KCNIP4: variants seen among roughly 807,000 people sequenced by gnomAD.
KCNIP4 encodes potassium voltage-gated channel interacting protein 4.
Under a neutral mutation model 34.0 loss-of-function variants are expected in KCNIP4, and 12 were observed. The observed-to-expected ratio is 0.35, with a 90% confidence interval of 0.23 to 0.57. KCNIP4 has a LOEUF of 0.57. Ranked by LOEUF, KCNIP4 falls within the 20% of genes least tolerant of loss-of-function variation. The pLI, the probability that KCNIP4 is intolerant of heterozygous loss-of-function variation, is 0.83. For missense variants in KCNIP4, 238 were observed against 311.7 expected, an observed-to-expected ratio of 0.76 and a Z score of 1.78; for synonymous variants, 124 against 102.2, an observed-to-expected ratio of 1.21 and a Z score of -1.29.
At chr4:20,988,000 C>CAAAAAAAAAAAAA (rs36044149) in intron 1 of KCNIP4, among the ~76,000 whole-genome samples, 555 of 46,258 alleles carry the variant, frequency 0.012, 67 homozygotes, top group African/African-American at 0.018. Flanking sequence ...GATTCCATCT[C>CAAAAAAAAAAAAA]AAAAAAAAAA....
intron 1 of KCNIP4, among the ~76,000 whole-genome samples, chr4:21,835,291 G>A (rs909482356): frequency 6.6e-6 from 1 of 151,962 alleles, no homozygotes; most frequent in Non-Finnish European, 1.5e-5. Flanking sequence ...ATGACTATTT[G>A]CAAACTCCCA....
intron 3 of KCNIP4, among the ~76,000 whole-genome samples, chr4:20,768,148 G>T (rs1173338755): frequency 2.0e-5 from 3 of 152,142 alleles, no homozygotes; most frequent in Non-Finnish European, 2.9e-5. Context: ...TAAATACAAG[G>T]CAGGGACTAA....
Position 21,940,213 on chromosome 4 carries a change from T to C in KCNIP4, c.61+8358A>G, listed in dbSNP as rs545152766. ...CTGAAAGATAAACCCATATTACAAT[T>C]AGAAAAATTGGTAGAGGGTAGGAAG... On this transcript the variant is annotated intron_variant, in intron 1 of 8. Coordinates refer to ENST00000382152, the MANE Select transcript of KCNIP4 (RefSeq NM_025221.6). Among the ~76,000 whole-genome samples the C allele has an allele frequency of 2.0e-5, 3 of 152,224 alleles. No homozygotes were observed. The South Asian group carries it at 6.2e-4, about 32-fold the overall frequency.
chr4:20,888,215 C>T (rs181250548), intron 1 of KCNIP4, among the ~76,000 whole-genome samples: 169 of 152,092 alleles, frequency 1.1e-3, no homozygotes, highest in Admixed American at 3.4e-3. Context: ...GTAGAAAATA[C>T]ATAAGATAGT....
intron 1 of KCNIP4, among the ~76,000 whole-genome samples, chr4:21,926,631 A>T (rs1020518733): frequency 3.3e-5 from 5 of 152,144 alleles, no homozygotes; most frequent in African/African-American, 1.2e-4. Flanking sequence ...GGAAGAACAA[A>T]TCAAGCAATC....
intron 1 of KCNIP4, among the ~76,000 whole-genome samples, chr4:21,528,435 G>A (rs111690138): frequency 4.6e-5 from 7 of 151,886 alleles, no homozygotes; most frequent in African/African-American, 9.7e-5. Context: ...TTGGGAGGCC[G>A]ATGCGGGTGT....
intron 1 of KCNIP4, among the ~76,000 whole-genome samples, chr4:21,749,854 AC>A (rs1330108489): frequency 1.3e-5 from 2 of 152,042 alleles, no homozygotes; most frequent in African/African-American, 2.4e-5. Flanking sequence ...GCTTCTTTTT[AC>A]TATGTCTCAT....
chr4:21,166,038 G>A (rs1753604245), intron 1 of KCNIP4, among the ~76,000 whole-genome samples: 1 of 152,136 alleles, frequency 6.6e-6, no homozygotes, highest in Admixed American at 6.5e-5. Context: ...ACCAGACACT[G>A]AACCTGCAGA....
At chr4:21,733,162 T>G (rs1488779216) in intron 1 of KCNIP4, among the ~76,000 whole-genome samples, 1 of 152,176 alleles carries the variant, frequency 6.6e-6, no homozygotes, top group African/African-American at 2.4e-5. Context: ...CTTCATTTTT[T>G]ATGCGCCAAT....
chr4:20,816,771 G>A (rs1173286647), intron 3 of KCNIP4, among the ~76,000 whole-genome samples: 2 of 152,152 alleles, frequency 1.3e-5, no homozygotes, highest in Non-Finnish European at 2.9e-5. Flanking sequence ...TAAACCATTT[G>A]AATTTTTCCG....
intron 1 of KCNIP4, among the ~76,000 whole-genome samples, chr4:21,261,403 A>G (rs567877749): frequency 6.6e-6 from 1 of 152,268 alleles, no homozygotes; most frequent in South Asian, 2.1e-4. Flanking sequence ...CATTACTACA[A>G]GTTAAGAGTC....
At chr4:20,951,208 A>C (rs1225271696) in intron 1 of KCNIP4, among the ~76,000 whole-genome samples, 1 of 152,142 alleles carries the variant, frequency 6.6e-6, no homozygotes, top group African/African-American at 2.4e-5. Context: ...TCAGCCATCC[A>C]GGAAGAGAGC....
chr4:21,444,827 A>C (rs980934522), intron 1 of KCNIP4, among the ~76,000 whole-genome samples: 2 of 152,186 alleles, frequency 1.3e-5, no homozygotes, highest in African/African-American at 4.8e-5. Context: ...GAAAAGAGGA[A>C]GTCAACTTGT....
intron 1 of KCNIP4, among the ~76,000 whole-genome samples, chr4:21,919,801 T>C (rs955460454): frequency 6.6e-6 from 1 of 152,170 alleles, no homozygotes; most frequent in African/African-American, 2.4e-5. Flanking sequence ...TGGAAGTCAT[T>C]TTGTGATTAT....
At chr4:20,837,637 TAA>T (rs398107068) in intron 3 of KCNIP4, among the ~76,000 whole-genome samples, 8 of 147,992 alleles carry the variant, frequency 5.4e-5, no homozygotes, top group African/African-American at 2.0e-4. Flanking sequence ...TATATATATA[TAA>T]ATTATTTATT....
chr4:20,777,060 T>A (rs1756437586), intron 3 of KCNIP4, among the ~76,000 whole-genome samples: 1 of 152,184 alleles, frequency 6.6e-6, no homozygotes, highest in South Asian at 2.1e-4. Context: ...GGGAGGTGTG[T>A]TAGTTCATTC....
At chr4:21,715,968 G>A (rs1019587507) in intron 1 of KCNIP4, among the ~76,000 whole-genome samples, 15 of 152,024 alleles carry the variant, frequency 9.9e-5, no homozygotes, top group South Asian at 2.1e-4. Context: ...ACTTTGATAC[G>A]ACTTCTCTGA....
At chr4:21,510,496 GT>G (rs965335621) in intron 1 of KCNIP4, among the ~76,000 whole-genome samples, 10 of 151,044 alleles carry the variant, frequency 6.6e-5, no homozygotes, top group East Asian at 5.8e-4. Flanking sequence ...GACAGTGGGT[GT>G]TTTTTTTTAC....
chr4:21,274,720 C>A (rs1762337449), intron 1 of KCNIP4, among the ~76,000 whole-genome samples: 1 of 152,072 alleles, frequency 6.6e-6, no homozygotes, highest in African/African-American at 2.4e-5. Flanking sequence ...AACTCAAGAG[C>A]CCAAAACATA....
Sources: allele counts gnomAD v4.1 joint callset (sites outside exome capture counted in the v4.1 genomes callset), GRCh38; gene constraint gnomAD v4.1.1; transcripts MANE v1.5; gene names NCBI Gene and HGNC (gene_info 2026-07-23, HGNC 2026-07-21).